Variants in LENG8 observed in about 807,000 individuals in gnomAD.
The protein encoded by LENG8 is leukocyte receptor cluster (LRC) member 8.
Under a neutral mutation model 102.1 loss-of-function variants are expected in LENG8, and 28 were observed. The ratio of observed to expected loss-of-function variants is 0.27; its 90% CI spans 0.20 to 0.38. The LOEUF (loss-of-function observed/expected upper bound fraction) is 0.38, where lower values mean the gene tolerates loss of function less well. Ranked by LOEUF, LENG8 falls within the 10% of genes least tolerant of loss-of-function variation. LENG8 has a pLI of 1.00. For synonymous variants in LENG8, 531 were observed against 456.7 expected (o/e 1.16, Z -2.07); for missense variants, 1,022 against 1,113.9 (o/e 0.92, Z 1.17).
chr19:54,452,308 G>A, intron 3 of LENG8, 41 bp downstream of exon 3: 2 of 1,543,446 alleles, frequency 1.3e-6, no homozygotes, highest in South Asian at 1.2e-5. Context: ...TGAGCCAGAG[G>A]TTGTGGGAGG....
intron 15 of LENG8, chr19:54,459,583 C>T (rs1203640990): frequency 1.0e-6 from 1 of 978,846 alleles, no homozygotes; most frequent in Non-Finnish European, 1.2e-6. Context: ...CCAGGTGGCC[C>T]TCCACGTGAG....
chr19:54,454,361 C>T (rs1023805897), intron 5 of LENG8, 69 bp from the exon 6 acceptor site: 17 of 1,498,804 alleles, frequency 1.1e-5, no homozygotes, highest in African/African-American at 1.4e-5. Context: ...GTCCTCACAG[C>T]GAGGGCTGAG....
At position 54,455,011 on chromosome 19, in the gene LENG8, C is replaced by T; in HGVS notation, c.740C>T (p.Thr247Ile). The T allele has an allele frequency of 1.9e-6, 3 of 1,614,198 alleles. No individual in the cohort carries two copies. Among genetic ancestry groups the T allele is most frequent in the East Asian group, 2.2e-5 (1 of 44,884 alleles). The change falls in exon 7 of 16, where the codon ACC becomes ATC. Residue 247 changes from threonine to isoleucine, a missense_variant. Physicochemically the swap from Thr to Ile is moderately conservative, Grantham distance 89. Around this residue, in one of 7 missense-constraint regions of LENG8, gnomAD observed 343 missense variants for 320.2 expected, o/e 1.07. Transcript: ENST00000326764. ...NIQKRPFAVTTQSFGSNAEGQ... is the reference protein window; with the variant it reads ...NIQKRPFAVTIQSFGSNAEGQ... ...CAGAAGCGACCCTTTGCTGTTACCA[C>T]CCAGAGCTTTGGCTCCAACGCAGAG...
chr19:54,449,984 C>T (rs143146658), intron 1 of LENG8, among the ~76,000 whole-genome samples: 76 of 152,292 alleles, frequency 5.0e-4, no homozygotes, highest in African/African-American at 1.8e-3. Flanking sequence ...GTTCCTATCC[C>T]GTCAACTCGT....
rs964193628 is a variant in LENG8, at chr19:54,460,682, G to A, written c.2241-84G>A. The A allele has an allele frequency of 2.8e-5, 40 of 1,447,546 alleles. No homozygotes were observed. In the East Asian group the frequency reaches 3.3e-4, roughly 12 times the overall value. The allele number at this position is 1,447,546 out of a possible 1,614,324, so 89.7% of individuals were successfully genotyped here. A position where few individuals can be genotyped will look rare whatever the true frequency, so the allele number is the denominator to read the frequency against. On this transcript the variant is annotated intron_variant, in intron 15 of 15. Transcript: ENST00000326764. ...TGCTGAGGAAATCCTGTGGGCACCC[G>A]AATGGGGGGGCCTCCCCGCTCGTGG...
chr19:54,454,367 C>T lies in LENG8; in HGVS notation c.427-63C>T, dbSNP rs1001435258. On this transcript the variant is annotated intron_variant, in intron 5 of 15. Coordinates refer to ENST00000326764, the MANE Select transcript of LENG8 (RefSeq NM_052925.4). ...GACCACTGCGTCCTCACAGCGAGGGCTGAGTGCCACTCGCCAGCCCCAGAA... is the reference window on the plus strand; with the variant it reads ...GACCACTGCGTCCTCACAGCGAGGGTTGAGTGCCACTCGCCAGCCCCAGAA... 4 of 1,514,364 alleles carry T rather than the reference C, an allele frequency of 2.6e-6. No individual in the cohort carries two copies. The African/African-American group carries it at 4.1e-5, about 16-fold the overall frequency. 93.8% of individuals were successfully genotyped at this position (1,514,364 alleles called of 1,614,324 possible).
At chr19:54,452,819 T>C in intron 4 of LENG8, 67 bp downstream of exon 4, 6 of 1,165,186 alleles carry the variant, frequency 5.1e-6, no homozygotes. Flanking sequence ...CGAGGTGAAG[T>C]GGAGTCTGCC....
Position 54,456,336 on chromosome 19 carries a change from C to T in LENG8, c.1316C>T (p.Ser439Leu). 6.2e-7 allele frequency: 1 copy of T among 1,613,946 alleles called. No individual in the cohort carries two copies. The highest frequency in any genetic ancestry group is 8.5e-7 in the Non-Finnish European group (1 of 1,180,008). The change falls in exon 10 of 16, where the codon TCA becomes TTA. Residue 439 changes from serine (S) to leucine (L), a missense_variant. By Grantham distance (145) the Ser-to-Leu change is moderately radical (BLOSUM62 -2). Coordinates refer to ENST00000326764, the MANE Select transcript of LENG8 (RefSeq NM_052925.4). Reference protein sequence around the residue: ...TRHFRRSDSHSDSDSSYSGNE... With the variant: ...TRHFRRSDSHLDSDSSYSGNE... The stretch of plus-strand genomic sequence containing the variant: ...GCTTCTTCCTGCAGTGACTCCCACT[C>T]AGACTCCGACAGCTCCTACTCAGGG...
intron 10 of LENG8, 30 bp downstream of exon 10, chr19:54,456,495 G>A (rs1330012591): frequency 6.3e-7 from 1 of 1,582,690 alleles, no homozygotes; most frequent in Non-Finnish European, 8.6e-7. Context: ...CGACACACGG[G>A]CCAGGGTGGA....
chr19:54,452,336 T>C (rs1481089978), intron 3 of LENG8, 69 bp downstream of exon 3: 2 of 1,374,896 alleles, frequency 1.5e-6, no homozygotes, highest in Admixed American at 2.2e-5. Flanking sequence ...TCTGGCGTCC[T>C]GTTGTATCAT....
intron 1 of LENG8, among the ~76,000 whole-genome samples, chr19:54,450,552 C>T (rs569415352): frequency 1.3e-5 from 2 of 151,812 alleles, no homozygotes; most frequent in Admixed American, 6.6e-5. Flanking sequence ...AGGGTTCCCT[C>T]AGACTCTTCT....
rs752068414 is a variant in LENG8 at position 54,452,622 on chromosome 19, T to C, written c.214-29T>C. 4.6e-6 allele frequency: 7 copies of C among 1,519,284 alleles called. No individual in the cohort carries two copies. In the South Asian group the frequency reaches 7.9e-5, roughly 17 times the overall value. The allele number at this position is 1,519,284 out of a possible 1,614,324, so 94.1% of individuals were successfully genotyped here. A position where few individuals can be genotyped will look rare whatever the true frequency, so the allele number is the denominator to read the frequency against. ...CCGTGTGCCTGTGGATTTGGGCTGC[T>C]GACGGCACATGTGCCTCTGCTTCCA... On this transcript the variant is annotated intron_variant, in intron 3 of 15. Coordinates refer to ENST00000326764, the MANE Select transcript of LENG8 (RefSeq NM_052925.4).
At chr19:54,460,381 G>T in intron 15 of LENG8, 1 of 1,211,392 alleles carries the variant, frequency 8.3e-7, no homozygotes, top group Non-Finnish European at 1.0e-6. Context: ...CGCAGGGCAG[G>T]GGAGGCAGCG....
In LENG8 at chr19:54,457,833, C is replaced by A. The variant is rs1389935790; in HGVS notation, c.1818C>A (p.Ile606=). The change falls in exon 12 of 16, where the codon ATC becomes ATA. Residue 606 remains isoleucine (I), a synonymous_variant. Coordinates refer to ENST00000326764, the MANE Select transcript of LENG8 (RefSeq NM_052925.4). The part of the protein sequence containing the change: ...YAFACEQMKS[I]RQDLTVQGIR... ...TTGCCTGCGAGCAGATGAAGTCGAT[C>A]CGGCAGGATCTGACGGTGAGACTCG... 6.2e-7 allele frequency: 1 copy of A among 1,614,098 alleles called. No individual in the cohort carries two copies. The highest frequency in any genetic ancestry group is 1.7e-5 in the Admixed American group (1 of 60,024).
Position 54,454,444 on chromosome 19 carries a change from C to T in LENG8, c.441C>T (p.Gly147=). The T allele has an allele frequency of 6.2e-7, 1 of 1,609,372 alleles. No homozygotes were observed. Among genetic ancestry groups the T allele is most frequent in the Middle Eastern group, 1.8e-4 (1 of 5,622 alleles). ...QGTLNQPPVP[G]MDESMSYQAP... is the part of the protein sequence containing the mutation. The stretch of plus-strand genomic sequence containing the variant: ...TCCTTCTGCAGCCCCCAGTCCCCGG[C>T]ATGGATGAGAGCATGTCCTACCAGG... Residue 147 remains glycine, a synonymous_variant, in exon 6 of 16, where the codon GGC becomes GGT. Coordinates refer to ENST00000326764, the MANE Select transcript of LENG8 (RefSeq NM_052925.4).
rs141228091 is a variant in LENG8, at chr19:54,452,487, C to CT, written c.214-163dup. Reference sequence around the variant, plus strand: ...GAGGCCATGCCCATGCCCCTGGTCTCTAACGTGCGTGAGTCTCATGGTAGA... The same window carrying CT: ...GAGGCCATGCCCATGCCCCTGGTCTCTTAACGTGCGTGAGTCTCATGGTAGA... On this transcript the variant is annotated intron_variant, in intron 3 of 15. Coordinates refer to ENST00000326764, the MANE Select transcript of LENG8 (RefSeq NM_052925.4). Among the ~76,000 whole-genome samples, 4 of 152,352 alleles carry CT rather than the reference C, an allele frequency of 2.6e-5. No individual in the cohort carries two copies. In the East Asian group the frequency reaches 5.8e-4, roughly 22 times the overall value.
Position 54,458,297 on chromosome 19 carries a change from CTT to C in LENG8, c.2033-15_2033-14del. 6.2e-7 allele frequency: 1 copy of C among 1,613,330 alleles called. No individual in the cohort carries two copies. The highest frequency in any genetic ancestry group is 8.5e-7 in the Non-Finnish European group (1 of 1,179,502). On this transcript the variant is annotated splice_polypyrimidine_tract_variant and intron_variant, in intron 14 of 15. Transcript: ENST00000326764. ...GGTTGAGCCCTGCTGACTTCACCCTCTTTGTCTTGGTGCTAGACATCACCACG... is the reference window on the plus strand; with the variant it reads ...GGTTGAGCCCTGCTGACTTCACCCTCTGTCTTGGTGCTAGACATCACCACG...
intron 12 of LENG8, 33 bp from the exon 13 acceptor site, chr19:54,457,901 C>G: frequency 6.2e-7 from 1 of 1,614,010 alleles, no homozygotes; most frequent in Non-Finnish European, 8.5e-7. Context: ...CCTCCCGCTC[C>G]TTGTGACTCT....
intron 15 of LENG8, chr19:54,460,305 C>A: frequency 8.0e-7 from 1 of 1,248,042 alleles, no homozygotes; most frequent in South Asian, 1.3e-5. Context: ...CCGGAAGTGA[C>A]TGCTTTCAGT....
Sources: gnomAD v4.1 joint callset for allele counts (sites outside exome capture counted in the v4.1 genomes callset) on GRCh38, gnomAD v4.1.1 for gene constraint, gnomAD v4.1.1 regional missense constraint, MANE v1.5 for transcripts, NCBI Gene and HGNC (gene_info 2026-07-23, HGNC 2026-07-21) for gene names.